The following ACSF3 variants were observed in gnomAD, a reference collection of about 807,000 sequenced individuals.
The protein encoded by ACSF3 is malonate--CoA ligase ACSF3, mitochondrial.
Under a neutral mutation model 53.2 loss-of-function variants are expected in ACSF3, and 78 were observed. That is an observed-to-expected ratio of 1.47 (90% CI 1.22 to 1.77). The LOEUF (loss-of-function observed/expected upper bound fraction) is 1.77. Ranked by LOEUF, ACSF3 falls within the 40% of genes most tolerant of loss-of-function variation. The probability of loss-of-function intolerance (pLI) is 0.00; values close to 1 mark genes in which losing one functional copy is unlikely to be tolerated. For missense variants in ACSF3, 937 were observed against 771.1 expected, an observed-to-expected ratio of 1.22 and a Z score of -2.55; for synonymous variants, 414 against 333.1, an observed-to-expected ratio of 1.24 and a Z score of -2.65.
At chr16:89,141,097 C>T (rs1911661695) in intron 8 of ACSF3, 2 of 1,286,544 alleles carry the variant, frequency 1.6e-6, no homozygotes, top group African/African-American at 1.5e-5. Flanking sequence ...GCCCTCTGAA[C>T]CTTCTGAGTC....
At chr16:89,100,345 A>C (rs1415837673) in intron 2 of ACSF3, among the ~76,000 whole-genome samples, 3 of 152,150 alleles carry the variant, frequency 2.0e-5, no homozygotes, top group African/African-American at 7.2e-5. Context: ...CATTATTCAG[A>C]TGTACCTTAA....
chr16:89,095,298 A>G (rs1218238373), intron 1 of ACSF3: 1 of 150,666 alleles, frequency 6.6e-6, no homozygotes, highest in Non-Finnish European at 1.5e-5. Flanking sequence ...TGGGCTTGGG[A>G]TAGTTGTAAG....
chr16:89,107,747 C>G (rs1344750648), intron 4 of ACSF3, among the ~76,000 whole-genome samples: 1 of 152,204 alleles, frequency 6.6e-6, no homozygotes, highest in Non-Finnish European at 1.5e-5. Flanking sequence ...GGCTCACAGG[C>G]TAGATGTATG....
chr16:89,116,253 G>A (rs1419127297), intron 6 of ACSF3, among the ~76,000 whole-genome samples: 2 of 152,218 alleles, frequency 1.3e-5, no homozygotes, highest in African/African-American at 4.8e-5. Flanking sequence ...GTCGACTCCT[G>A]AGGGGTCGGC....
intron 4 of ACSF3, among the ~76,000 whole-genome samples, chr16:89,105,605 C>T (rs1310149991): frequency 6.6e-6 from 1 of 152,204 alleles, no homozygotes; most frequent in Non-Finnish European, 1.5e-5. Flanking sequence ...GTGCCTGTGA[C>T]TGGGCCCCCT....
At chr16:89,146,169 C>G (rs1459651890) in intron 10 of ACSF3, 120 bp downstream of exon 10, 1 of 730,256 alleles carries the variant, frequency 1.4e-6, no homozygotes, top group African/African-American at 1.8e-5. Context: ...CAAGAAAGAC[C>G]AGCAGTGAGG....
chr16:89,128,877 C>T (rs1325798110), intron 7 of ACSF3, among the ~76,000 whole-genome samples: 1 of 152,052 alleles, frequency 6.6e-6, no homozygotes, highest in Non-Finnish European at 1.5e-5. Flanking sequence ...ACCTGTAATC[C>T]CAACACTTTG....
intron 7 of ACSF3, among the ~76,000 whole-genome samples, chr16:89,126,948 T>TA (rs1488220320): frequency 6.6e-6 from 1 of 152,222 alleles, no homozygotes; most frequent in Non-Finnish European, 1.5e-5. Flanking sequence ...TTAGACTTTT[T>TA]ATCACTAAAT....
chr16:89,137,705 A>G (rs1910907125), intron 8 of ACSF3, among the ~76,000 whole-genome samples: 1 of 152,018 alleles, frequency 6.6e-6, no homozygotes, highest in African/African-American at 2.4e-5. Context: ...ACAGGGAAGG[A>G]TGGGGAGAGG....
chr16:89,117,693 G>A (rs1905414045), intron 6 of ACSF3, among the ~76,000 whole-genome samples: 1 of 151,908 alleles, frequency 6.6e-6, no homozygotes, highest in Non-Finnish European at 1.5e-5. Flanking sequence ...GCGCCAAGGA[G>A]CAGATAGTAG....
At chr16:89,094,044 A>AGCTCTCGGGGGCGCG (rs1974320605) in intron 1 of ACSF3, 48 bp downstream of exon 1, 1 of 150,902 alleles carries the variant, frequency 6.6e-6, no homozygotes, top group Non-Finnish European at 1.5e-5. Context: ...GGCCGGGCGC[A>AGCTCTCGGGGGCGCG]GAGCTCTCGG....
At chr16:89,122,472 C>A in intron 7 of ACSF3, 1 of 425,846 alleles carries the variant, frequency 2.3e-6, no homozygotes, top group South Asian at 1.7e-5. Context: ...ATCTCAGGTT[C>A]CTGAATACAC....
chr16:89,133,793 G>C (rs1227435290), intron 8 of ACSF3, among the ~76,000 whole-genome samples: 1 of 152,252 alleles, frequency 6.6e-6, no homozygotes, highest in African/African-American at 2.4e-5. Context: ...CCACAAATTA[G>C]CACATTCTCT....
intron 10 of ACSF3, chr16:89,150,415 G>C (rs1032944392): frequency 1.3e-5 from 2 of 154,060 alleles, no homozygotes; most frequent in African/African-American, 2.4e-5. Context: ...AGCTGTGCTA[G>C]AGTTTCAGGG....
At chr16:89,153,587 T>C (rs1396020127) in intron 10 of ACSF3, 2 of 187,340 alleles carry the variant, frequency 1.1e-5, no homozygotes, top group East Asian at 2.6e-4. Context: ...CATAGGCTTG[T>C]GTCTGCAGGA....
chr16:89,103,292 T>C (rs1975586308), intron 4 of ACSF3, among the ~76,000 whole-genome samples: 1 of 152,224 alleles, frequency 6.6e-6, no homozygotes, highest in African/African-American at 2.4e-5. Context: ...TAATGCGAGT[T>C]TGTTCTTACA....
chr16:89,135,763 G>C (rs1910313349), intron 8 of ACSF3, among the ~76,000 whole-genome samples: 1 of 152,216 alleles, frequency 6.6e-6, no homozygotes, highest in Non-Finnish European at 1.5e-5. Context: ...TCACGCTGCA[G>C]TTGTTTTATT....
At chr16:89,103,014 A>T (rs540896327) in intron 4 of ACSF3, among the ~76,000 whole-genome samples, 3 of 152,220 alleles carry the variant, frequency 2.0e-5, no homozygotes, top group Non-Finnish European at 4.4e-5. Context: ...ATACGTACCT[A>T]TGATAAAGCT....
intron 7 of ACSF3, among the ~76,000 whole-genome samples, chr16:89,121,895 G>A (rs1163581923): frequency 6.6e-6 from 1 of 152,258 alleles, no homozygotes; most frequent in African/African-American, 2.4e-5. Context: ...CAAGTAGGAT[G>A]TGGGTGGCTT....
Sources: allele counts gnomAD v4.1 joint callset (sites outside exome capture counted in the v4.1 genomes callset), GRCh38; gene constraint gnomAD v4.1.1; transcripts MANE v1.5; gene names NCBI Gene and HGNC (gene_info 2026-07-23, HGNC 2026-07-21).